The following PCDH7 variants were observed in gnomAD, a reference collection of about 807,000 sequenced individuals.
PCDH7 encodes the protein protocadherin-7.
A neutral mutation model predicts 58.9 loss-of-function variants in PCDH7; 17 were observed. The observed-to-expected ratio is 0.29, with a 90% CI of 0.20 to 0.43. The LOEUF is 0.43. Ranked by LOEUF, PCDH7 falls within the 20% of genes least tolerant of loss-of-function variation. The probability of loss-of-function intolerance (pLI) is 1.00; values close to 1 mark genes in which losing one functional copy is unlikely to be tolerated. For missense variants in PCDH7, 1,274 were observed against 1,441.0 expected (o/e 0.88, Z 1.88); for synonymous variants, 664 against 616.4 (o/e 1.08, Z -1.14).
At chr4:30,872,465 C>T (rs189358656) in intron 1 of PCDH7, among the ~76,000 whole-genome samples, 126 of 152,118 alleles carry the variant, frequency 8.3e-4, no homozygotes, top group African/African-American at 2.9e-3. Context: ...TTGAATTTGA[C>T]CTGTGGGCTG....
intron 3 of PCDH7, among the ~76,000 whole-genome samples, chr4:30,994,279 GA>G (rs1398653195): frequency 6.6e-6 from 1 of 152,110 alleles, no homozygotes; most frequent in African/African-American, 2.4e-5. Context: ...CCAGCCATTG[GA>G]AAGGATGCCC....
intron 3 of PCDH7, among the ~76,000 whole-genome samples, chr4:31,108,590 C>T (rs561941947): frequency 6.6e-6 from 1 of 152,204 alleles, no homozygotes; most frequent in African/African-American, 2.4e-5. Flanking sequence ...AGGCACCTAT[C>T]TCACAGCTGG....
chr4:30,882,526 A>G (rs1737118232), intron 1 of PCDH7, among the ~76,000 whole-genome samples: 1 of 152,136 alleles, frequency 6.6e-6, no homozygotes, highest in Non-Finnish European at 1.5e-5. Flanking sequence ...TGCTGGGATT[A>G]CAAGTGTGAG....
chr4:31,078,073 T>C (rs145339802), intron 3 of PCDH7, among the ~76,000 whole-genome samples: 5 of 152,250 alleles, frequency 3.3e-5, no homozygotes, highest in Admixed American at 6.5e-5. Context: ...GGTCAATTGG[T>C]GTGATCTAAC....
chr4:30,953,213 T>C (rs1245965859), intron 3 of PCDH7, among the ~76,000 whole-genome samples: 1 of 152,172 alleles, frequency 6.6e-6, no homozygotes, highest in Non-Finnish European at 1.5e-5. Flanking sequence ...CAGCTTTTTC[T>C]AGCTTCCTGT....
At chr4:30,931,404 T>C (rs965811898) in intron 2 of PCDH7, among the ~76,000 whole-genome samples, 13 of 152,016 alleles carry the variant, frequency 8.6e-5, no homozygotes, top group African/African-American at 3.1e-4. Context: ...GGAGAAACCC[T>C]GTTTGTATTA....
intron 1 of PCDH7, among the ~76,000 whole-genome samples, chr4:30,787,335 G>A (rs926171521): frequency 1.3e-5 from 2 of 152,004 alleles, no homozygotes; most frequent in African/African-American, 4.8e-5. Flanking sequence ...ATTGAAATCC[G>A]AGAAAATTAG....
intron 2 of PCDH7, among the ~76,000 whole-genome samples, chr4:30,947,584 T>A (rs905527044): frequency 7.9e-5 from 12 of 152,182 alleles, no homozygotes; most frequent in Admixed American, 7.9e-4. Flanking sequence ...TTCTTAATTG[T>A]CATATAATAA....
rs558501680 is a variant in PCDH7, at chr4:30,851,789, A to G, written c.71-68364A>G. ...GTTATCATTAATTTTTCTTGAAAATATATTGTCAAGATGGTAAACTCGATG... is the reference window on the plus strand; with the variant it reads ...GTTATCATTAATTTTTCTTGAAAATGTATTGTCAAGATGGTAAACTCGATG... On this transcript the variant is annotated intron_variant, in intron 1 of 3. Transcript: ENST00000509759. Among the ~76,000 whole-genome samples the G allele has an allele frequency of 9.9e-5, 15 of 152,178 alleles. No individual in the cohort carries two copies. The South Asian group carries it at 2.9e-3, about 29-fold the overall frequency.
Position 30,721,377 on chromosome 4 carries a change from A to C in PCDH7, c.-46A>C. On this transcript the variant is annotated 5_prime_UTR_variant, in exon 1 of 2. Transcript: ENST00000361762. This position sits in a 1 kb window ranked among gnomAD's most constrained non-coding sequence, Gnocchi z 6.7. ...CCGGCCCCGGAGGAGGGGGGCGCCG[A>C]GGGGGCTGTGGTTAGAAGGAGCAGT... is the stretch of plus-strand genomic sequence containing the variant. The C allele has an allele frequency of 7.0e-7, 1 of 1,427,896 alleles. No homozygotes were observed. Among genetic ancestry groups the C allele is most frequent in the Non-Finnish European group, 9.2e-7 (1 of 1,092,072 alleles). 88.5% of individuals were successfully genotyped at this position (1,427,896 alleles called of 1,614,324 possible). A position where few individuals can be genotyped will look rare whatever the true frequency, so the allele number is the denominator to read the frequency against.
At chr4:31,102,306 AT>A (rs1050232223) in intron 3 of PCDH7, among the ~76,000 whole-genome samples, 12 of 152,036 alleles carry the variant, frequency 7.9e-5, no homozygotes, top group African/African-American at 2.9e-4. Flanking sequence ...GAAATACTTT[AT>A]TTTGCTAGCC....
Position 30,794,859 on chromosome 4 carries a change from T to C in PCDH7, c.70+70263T>C, listed in dbSNP as rs1019068948. On this transcript the variant is annotated intron_variant, in intron 1 of 3. Coordinates refer to the PCDH7 transcript ENST00000509759. ...CACAAAGATGTGTTACCTACATTTCTCTGTAGTTTGATGGCATGAATATCA... is the reference window on the plus strand; with the variant it reads ...CACAAAGATGTGTTACCTACATTTCCCTGTAGTTTGATGGCATGAATATCA... 8.5e-5 allele frequency among the ~76,000 whole-genome samples: 13 copies of C among 152,274 alleles called. No individual in the cohort carries two copies. In the South Asian group the frequency reaches 2.5e-3, roughly 29 times the overall value.
Position 31,082,923 on chromosome 4 carries a change from A to C in PCDH7, c.*8-59550A>C, listed in dbSNP as rs957930779. On this transcript the variant is annotated intron_variant, in intron 3 of 3. Transcript: ENST00000509759. ...GGAGATCGAGACCATCCTGGCTAAC[A>C]TGGTGAAACCCCGTCTCTACTAAAA... Among the ~76,000 whole-genome samples, 7 of 152,172 alleles carry C rather than the reference A, an allele frequency of 4.6e-5. No homozygotes were observed. In the East Asian group the frequency reaches 1.2e-3, roughly 25 times the overall value.
intron 3 of PCDH7, among the ~76,000 whole-genome samples, chr4:31,020,350 C>A (rs920090874): frequency 6.6e-6 from 1 of 152,090 alleles, no homozygotes; most frequent in African/African-American, 2.4e-5. Context: ...GAGATTCTCT[C>A]CTCTCTCTCT....
intron 1 of PCDH7, among the ~76,000 whole-genome samples, chr4:30,898,227 T>C (rs1275371782): frequency 1.3e-5 from 2 of 152,182 alleles, no homozygotes; most frequent in Non-Finnish European, 2.9e-5. Flanking sequence ...GTGGTTGTTG[T>C]TGACTTGAAC....
downstream of PCDH7, among the ~76,000 whole-genome samples, chr4:30,737,332 C>A (rs545580823): frequency 1.3e-5 from 2 of 152,242 alleles, no homozygotes; most frequent in Admixed American, 6.5e-5. Flanking sequence ...TGCATTTACA[C>A]TTTTGGGGGC....
intron 1 of PCDH7, among the ~76,000 whole-genome samples, chr4:30,829,863 T>C (rs1729558517): frequency 6.6e-6 from 1 of 152,090 alleles, no homozygotes; most frequent in Admixed American, 6.6e-5. Flanking sequence ...TGTTGTTATA[T>C]GGACCACTTT....
At chr4:30,959,177 A>G (rs981156454) in intron 3 of PCDH7, among the ~76,000 whole-genome samples, 9 of 151,974 alleles carry the variant, frequency 5.9e-5, no homozygotes, top group Admixed American at 5.9e-4. Context: ...CACTGATGAG[A>G]ATGACTGTTT....
At chr4:31,021,016 T>A (rs1254404113) in intron 3 of PCDH7, among the ~76,000 whole-genome samples, 1 of 152,230 alleles carries the variant, frequency 6.6e-6, no homozygotes, top group Non-Finnish European at 1.5e-5. Flanking sequence ...ATGTTTACAT[T>A]TGAAAATAAA....
Sources: gnomAD v4.1 joint callset for allele counts (sites outside exome capture counted in the v4.1 genomes callset) on GRCh38, gnomAD v4.1.1 for gene constraint, Gnocchi (gnomAD v3.1) non-coding constraint, MANE v1.5 for transcripts, NCBI Gene and HGNC (gene_info 2026-07-23, HGNC 2026-07-21) for gene names.